RBFOX1: variants seen among roughly 807,000 people sequenced by gnomAD.
RBFOX1 encodes the protein RNA binding protein fox-1 homolog 1.
In RBFOX1, 8 loss-of-function variants were observed where a neutral mutation model predicts 57.7. The ratio of observed to expected loss-of-function variants is 0.14; its 90% confidence interval spans 0.08 to 0.25. RBFOX1 has a LOEUF of 0.25. Among genes scored for constraint, RBFOX1 ranks in the 10% least tolerant of loss-of-function variants. The pLI is 1.00. For synonymous variants in RBFOX1, 326 were observed against 222.4 expected (o/e 1.47, Z -4.15); for missense variants, 611 against 548.5 (o/e 1.11, Z -1.14).
chr16:7,396,628 A>T (rs1284614472), intron 4 of RBFOX1, among the ~76,000 whole-genome samples: 4 of 152,180 alleles, frequency 2.6e-5, no homozygotes, highest in Non-Finnish European at 1.5e-5. Flanking sequence ...AATGGAAATA[A>T]GGACAACACT....
intron 4 of RBFOX1, among the ~76,000 whole-genome samples, chr16:7,310,732 A>G (rs1338298003): frequency 3.3e-5 from 5 of 152,212 alleles, no homozygotes; most frequent in Non-Finnish European, 7.3e-5. Flanking sequence ...CACACCTGTG[A>G]TCACACTTTC....
intron 3 of RBFOX1, among the ~76,000 whole-genome samples, chr16:6,767,189 C>T (rs1603618061): frequency 6.6e-6 from 1 of 152,088 alleles, no homozygotes; most frequent in African/African-American, 2.4e-5. Flanking sequence ...GGGTATGGAA[C>T]CTAAACCTAG....
At chr16:5,576,204 C>G (rs2046450753) in intron 2 of RBFOX1, among the ~76,000 whole-genome samples, 1 of 152,088 alleles carries the variant, frequency 6.6e-6, no homozygotes, top group Admixed American at 6.5e-5. Context: ...TCAGGCTGTT[C>G]TCAAACTCCT....
chr16:7,217,908 G>A (rs2092355329), intron 4 of RBFOX1, among the ~76,000 whole-genome samples: 1 of 124,336 alleles, frequency 8.0e-6, no homozygotes, highest in South Asian at 2.2e-4. Context: ...GTGTGTGCAT[G>A]TGTGTGTGTG....
At chr16:7,218,732 T>G (rs933910972) in intron 4 of RBFOX1, among the ~76,000 whole-genome samples, 3 of 53,006 alleles carry the variant, frequency 5.7e-5, no homozygotes, top group East Asian at 3.8e-3. Context: ...CTTAAAGTGT[T>G]TTTTTTTTTT....
chr16:5,936,372 C>A (rs927059874), intron 4 of RBFOX1, among the ~76,000 whole-genome samples: 1 of 152,188 alleles, frequency 6.6e-6, no homozygotes, highest in African/African-American at 2.4e-5. Context: ...GATCCACCTA[C>A]CTTAGCCTCC....
chr16:6,410,886 A>C (rs991056622), intron 2 of RBFOX1, among the ~76,000 whole-genome samples: 8 of 152,184 alleles, frequency 5.3e-5, no homozygotes, highest in Non-Finnish European at 1.0e-4. Context: ...CAGGTTTCTC[A>C]GCGCACAGTT....
intron 3 of RBFOX1, among the ~76,000 whole-genome samples, chr16:5,675,859 G>A (rs903030812): frequency 6.6e-6 from 1 of 152,198 alleles, no homozygotes; most frequent in Admixed American, 6.5e-5. Context: ...GAGGGGCACA[G>A]AGCTCCTCCT....
intron 2 of RBFOX1, among the ~76,000 whole-genome samples, chr16:6,579,352 C>T (rs907230299): frequency 9.2e-5 from 14 of 152,014 alleles, no homozygotes; most frequent in African/African-American, 3.4e-4. Flanking sequence ...TATATGCATG[C>T]ACCACCACAC....
At chr16:6,305,989 C>T (rs2079466975) in intron 1 of RBFOX1, among the ~76,000 whole-genome samples, 2 of 152,064 alleles carry the variant, frequency 1.3e-5, no homozygotes, top group South Asian at 2.1e-4. Flanking sequence ...TCTCAGATGG[C>T]AGAGAAACAT....
intron 3 of RBFOX1, among the ~76,000 whole-genome samples, chr16:6,830,447 G>A (rs1219096148): frequency 6.6e-6 from 1 of 152,120 alleles, no homozygotes; most frequent in East Asian, 1.9e-4. Flanking sequence ...GACCGTAAGA[G>A]GAAGACCTTA....
chr16:7,249,171 C>T (rs1338159718), intron 4 of RBFOX1, among the ~76,000 whole-genome samples: 2 of 152,178 alleles, frequency 1.3e-5, no homozygotes, highest in East Asian at 1.9e-4. Context: ...GGTGGTATCA[C>T]CACCAACCTT....
intron 4 of RBFOX1, among the ~76,000 whole-genome samples, chr16:7,225,427 C>T (rs1161529174): frequency 1.3e-5 from 2 of 152,054 alleles, no homozygotes; most frequent in Non-Finnish European, 2.9e-5. Context: ...CTCTTGTCTG[C>T]CACCACATCA....
At chr16:5,397,241 T>A (rs1222973427) in intron 1 of RBFOX1, among the ~76,000 whole-genome samples, 1 of 152,208 alleles carries the variant, frequency 6.6e-6, no homozygotes, top group African/African-American at 2.4e-5. Context: ...CTAAAGGGAT[T>A]TTCCCCCTCT....
chr16:7,091,987 A>G (rs1051750899), intron 4 of RBFOX1, among the ~76,000 whole-genome samples: 1 of 152,204 alleles, frequency 6.6e-6, no homozygotes, highest in African/African-American at 2.4e-5. Flanking sequence ...CCTTTATTTC[A>G]AACAATACAC....
At chr16:5,687,295 G>C (rs1398010861) in intron 3 of RBFOX1, among the ~76,000 whole-genome samples, 1 of 152,156 alleles carries the variant, frequency 6.6e-6, no homozygotes, top group Non-Finnish European at 1.5e-5. Flanking sequence ...TCCTGGTTTA[G>C]TGCAGTAGTG....
At chr16:7,582,257 G>A (rs1181532678) in intron 6 of RBFOX1, among the ~76,000 whole-genome samples, 1 of 152,152 alleles carries the variant, frequency 6.6e-6, no homozygotes, top group Non-Finnish European at 1.5e-5. Flanking sequence ...CTTAATACCT[G>A]TCAATTAAGA....
At position 7,649,776 on chromosome 16, in the gene RBFOX1, C is replaced by T. The variant is rs77520059; in HGVS notation, c.758-4039C>T. Among the ~76,000 whole-genome samples, 22 of 152,268 alleles carry T rather than the reference C, an allele frequency of 1.4e-4. No individual in the cohort carries two copies. The East Asian group carries it at 1.5e-3, about 11-fold the overall frequency. On this transcript the variant is annotated intron_variant, in intron 11 of 15. Coordinates refer to ENST00000550418, the MANE Select transcript of RBFOX1 (RefSeq NM_018723.4). The stretch of plus-strand genomic sequence containing the variant: ...CAGAACGTGGAGATCACCACCCTTA[C>T]GCAGCTTGCATGCACGCACCAGTAA...
intron 3 of RBFOX1, among the ~76,000 whole-genome samples, chr16:6,788,559 T>G (rs1332188496): frequency 6.6e-6 from 1 of 151,990 alleles, no homozygotes; most frequent in Non-Finnish European, 1.5e-5. Context: ...CACTGCAAGC[T>G]CTGCCTTCTG....
Sources: allele counts gnomAD v4.1 joint callset (sites outside exome capture counted in the v4.1 genomes callset), GRCh38; gene constraint gnomAD v4.1.1; transcripts MANE v1.5; gene names NCBI Gene and HGNC (gene_info 2026-07-23, HGNC 2026-07-21).